PKIB: variants seen among roughly 807,000 people sequenced by gnomAD.
PKIB encodes PKI-beta.
Under a neutral mutation model 4.5 loss-of-function variants are expected in PKIB, and 2 were observed. That is an observed-to-expected ratio of 0.44 (90% CI 0.18 to 1.39). The LOEUF is 1.39. PKIB is among the 40% of genes most tolerant of loss of function. The probability of loss-of-function intolerance (pLI) is 0.27; values close to 1 mark genes in which losing one functional copy is unlikely to be tolerated. For synonymous variants in PKIB, 38 were observed against 36.0 expected (o/e 1.06, Z -0.20); for missense variants, 94 against 92.6 (o/e 1.02, Z -0.06).
At chr6:122,707,305 C>T (rs1779102833) in intron 3 of PKIB, among the ~76,000 whole-genome samples, 1 of 151,886 alleles carries the variant, frequency 6.6e-6, no homozygotes, top group Non-Finnish European at 1.5e-5. Flanking sequence ...ATGATTTCTT[C>T]TGTAAAGTAC....
intron 2 of PKIB, among the ~76,000 whole-genome samples, chr6:122,507,015 T>C (rs183358073): frequency 6.6e-5 from 10 of 152,268 alleles, no homozygotes; most frequent in Admixed American, 6.5e-4. Context: ...TTTTTTAAAA[T>C]TAATATTTTT....
At chr6:122,591,166 T>TC (rs34828543) in intron 3 of PKIB, among the ~76,000 whole-genome samples, 16,457 of 146,758 alleles carry the variant, frequency 0.11, 1,195 homozygotes, top group South Asian at 0.29. Flanking sequence ...GCAAGGAAGG[T>TC]CCCCCCCCAC....
intron 2 of PKIB, chr6:122,481,525 A>G (rs1775608277): frequency 6.6e-6 from 1 of 152,240 alleles, no homozygotes; most frequent in South Asian, 2.1e-4. Flanking sequence ...GTATCATATC[A>G]AAACTGATTT....
chr6:122,535,595 T>G (rs952705785), intron 2 of PKIB, among the ~76,000 whole-genome samples: 46 of 152,318 alleles, frequency 3.0e-4, no homozygotes, highest in African/African-American at 1.1e-3. Context: ...GGCTCTTCTC[T>G]TAGTCCTGCT....
At chr6:122,511,654 A>T (rs1486976089) in intron 2 of PKIB, among the ~76,000 whole-genome samples, 9 of 152,178 alleles carry the variant, frequency 5.9e-5, no homozygotes, top group Admixed American at 6.5e-5. Flanking sequence ...CACTTGTAAA[A>T]TGGAGGCTGC....
intron 3 of PKIB, among the ~76,000 whole-genome samples, chr6:122,709,485 GTT>G (rs11331347): frequency 6.7e-5 from 10 of 148,432 alleles, no homozygotes; most frequent in African/African-American, 2.2e-4. Context: ...TCAAGTGGGA[GTT>G]TTTTTTTTTA....
At chr6:122,720,364 G>A (rs1429968187) in intron 4 of PKIB, among the ~76,000 whole-genome samples, 1 of 152,108 alleles carries the variant, frequency 6.6e-6, no homozygotes, top group East Asian at 1.9e-4. Flanking sequence ...ATGAACAGGA[G>A]GTGACAGAGG....
intron 2 of PKIB, among the ~76,000 whole-genome samples, chr6:122,664,158 A>G (rs1386195113): frequency 1.3e-5 from 2 of 152,208 alleles, no homozygotes; most frequent in Non-Finnish European, 2.9e-5. Flanking sequence ...ACTAGCTGCA[A>G]CAGTCAGAGA....
intron 2 of PKIB, among the ~76,000 whole-genome samples, chr6:122,545,500 G>A (rs562546386): frequency 4.6e-5 from 7 of 151,818 alleles, no homozygotes; most frequent in Non-Finnish European, 1.0e-4. Flanking sequence ...TGGGTAAATT[G>A]CGTGATGCAG....
upstream of PKIB, among the ~76,000 whole-genome samples, chr6:122,607,945 G>C (rs774255080): frequency 8.5e-5 from 13 of 152,102 alleles, no homozygotes; most frequent in South Asian, 6.2e-4. Flanking sequence ...CTACATTCAC[G>C]GAAGTGTTTG....
chr6:122,662,944 C>T (rs1054816740), intron 2 of PKIB, among the ~76,000 whole-genome samples: 1 of 152,182 alleles, frequency 6.6e-6, no homozygotes, highest in African/African-American at 2.4e-5. Flanking sequence ...TTTAGTGGCT[C>T]AATTCCTTAG....
intron 3 of PKIB, among the ~76,000 whole-genome samples, chr6:122,699,089 G>A (rs913139393): frequency 6.6e-6 from 1 of 152,092 alleles, no homozygotes; most frequent in Admixed American, 6.5e-5. Context: ...ATGTCATTAA[G>A]ATCCTGCCTG....
At chr6:122,701,275 T>C in intron 3 of PKIB, 1 of 569,926 alleles carries the variant, frequency 1.8e-6, no homozygotes, top group Non-Finnish European at 3.1e-6. Flanking sequence ...CCTCTGCGCC[T>C]GTTCCATAGG....
intron 1 of PKIB, among the ~76,000 whole-genome samples, chr6:122,617,220 A>G (rs1238076635): frequency 6.6e-6 from 1 of 152,106 alleles, no homozygotes; most frequent in East Asian, 1.9e-4. Context: ...TCAAACAGTC[A>G]TTTCAGGTTT....
intron 2 of PKIB, among the ~76,000 whole-genome samples, chr6:122,554,020 A>G (rs1487446534): frequency 7.2e-5 from 11 of 152,226 alleles, no homozygotes. Flanking sequence ...GGACATTTGC[A>G]TTTATAGGTC....
chr6:122,554,816 T>C (rs1200185512), intron 2 of PKIB, among the ~76,000 whole-genome samples: 3 of 152,166 alleles, frequency 2.0e-5, no homozygotes, highest in Admixed American at 2.0e-4. Context: ...ACTAGACTTT[T>C]CTAAGTGACC....
chr6:122,497,528 C>G (rs9388079), intron 2 of PKIB, among the ~76,000 whole-genome samples: 18,903 of 152,106 alleles, frequency 0.12, 1,323 homozygotes, highest in East Asian at 0.21. Context: ...GAAGAAAGAT[C>G]TATCATGTAA....
intron 2 of PKIB, among the ~76,000 whole-genome samples, chr6:122,523,980 C>A (rs1002490377): frequency 6.6e-6 from 1 of 152,148 alleles, no homozygotes; most frequent in Non-Finnish European, 1.5e-5. Flanking sequence ...TGAAAATTGA[C>A]CAGTACAGTG....
chr6:122,593,557 C>T (rs1774079094), intron 3 of PKIB, among the ~76,000 whole-genome samples: 1 of 152,162 alleles, frequency 6.6e-6, no homozygotes, highest in Non-Finnish European at 1.5e-5. Flanking sequence ...GAGCACAGCT[C>T]AAAATCTGTT....
Sources: allele counts gnomAD v4.1 joint callset (sites outside exome capture counted in the v4.1 genomes callset), GRCh38; gene constraint gnomAD v4.1.1; transcripts MANE v1.5; gene names NCBI Gene and HGNC (gene_info 2026-07-23, HGNC 2026-07-21).